The following EIF3H variants were observed in gnomAD, a reference collection of about 807,000 sequenced individuals.
EIF3H encodes the protein eIF-3-gamma.
A neutral mutation model predicts 44.2 loss-of-function variants in EIF3H; 26 were observed. That is an observed-to-expected ratio of 0.59 (90% CI 0.43 to 0.82). The LOEUF (loss-of-function observed/expected upper bound fraction) is 0.82. Ranked by LOEUF, EIF3H falls within the 40% of genes least tolerant of loss-of-function variation. EIF3H has a pLI of 0.00. For synonymous variants in EIF3H, 166 were observed against 151.9 expected (o/e 1.09, Z -0.68); for missense variants, 359 against 432.8 (o/e 0.83, Z 1.51).
intron 5 of EIF3H, among the ~76,000 whole-genome samples, chr8:116,650,913 AGCC>A (rs1311275069): frequency 6.6e-6 from 1 of 152,154 alleles, no homozygotes; most frequent in Non-Finnish European, 1.5e-5. Flanking sequence ...TACAGCCATG[AGCC>A]ACTGTTCCTG....
At chr8:116,699,448 A>G (rs1468989441) in intron 2 of EIF3H, among the ~76,000 whole-genome samples, 1 of 152,202 alleles carries the variant, frequency 6.6e-6, no homozygotes, top group African/African-American at 2.4e-5. Flanking sequence ...TAACCTAGGG[A>G]CAGAAAAACA....
chr8:116,649,439 G>A (rs184711798), intron 5 of EIF3H, among the ~76,000 whole-genome samples: 222 of 152,162 alleles, frequency 1.5e-3, no homozygotes, highest in Non-Finnish European at 2.4e-3. Context: ...ACCTTTCCTA[G>A]AATCTGTAGT....
chr8:116,663,921 A>T (rs1813625156), intron 2 of EIF3H, among the ~76,000 whole-genome samples: 1 of 135,864 alleles, frequency 7.4e-6, no homozygotes, highest in Admixed American at 8.2e-5. Context: ...ACAGAGCGAG[A>T]CTCAGTCTCA....
At chr8:116,757,127 A>G (rs1437893677), upstream of EIF3H, among the ~76,000 whole-genome samples, 10 of 152,222 alleles carry the variant, frequency 6.6e-5, no homozygotes, top group Admixed American at 6.5e-4. Flanking sequence ...AGTTTAAAAT[A>G]TTTTGCAATT....
At chr8:116,713,982 G>A (rs1006746220) in intron 2 of EIF3H, among the ~76,000 whole-genome samples, 3 of 151,874 alleles carry the variant, frequency 2.0e-5, no homozygotes, top group African/African-American at 4.8e-5. Flanking sequence ...TATGGGCCCC[G>A]AGGTTCTATA....
intron 1 of EIF3H, among the ~76,000 whole-genome samples, chr8:116,740,330 T>C (rs1208579175): frequency 6.6e-6 from 1 of 152,170 alleles, no homozygotes; most frequent in African/African-American, 2.4e-5. Flanking sequence ...GTAAGCCCAG[T>C]GGCATAAGAC....
chr8:116,705,491 A>ACCC (rs1227970298), intron 2 of EIF3H, among the ~76,000 whole-genome samples: 6 of 126,540 alleles, frequency 4.7e-5, no homozygotes, highest in Admixed American at 1.6e-4. Context: ...AACATGTTAC[A>ACCC]CCCCCCCCCA....
At chr8:116,672,303 T>C (rs1302566080) in intron 2 of EIF3H, among the ~76,000 whole-genome samples, 1 of 152,128 alleles carries the variant, frequency 6.6e-6, no homozygotes, top group Non-Finnish European at 1.5e-5. Context: ...GAAATCCTAA[T>C]AACCTGAAAT....
chr8:116,729,880 AAAG>A (rs1381398293), intron 1 of EIF3H, among the ~76,000 whole-genome samples: 7 of 152,210 alleles, frequency 4.6e-5, no homozygotes, highest in Admixed American at 1.3e-4. Flanking sequence ...CAGTTTCTGG[AAAG>A]AAGATTTCAA....
chr8:116,720,869 A>G (rs1451174161), intron 2 of EIF3H, among the ~76,000 whole-genome samples: 1 of 152,188 alleles, frequency 6.6e-6, no homozygotes, highest in East Asian at 1.9e-4. Flanking sequence ...TAAGCAGCAC[A>G]GCATTCAAGA....
At chr8:116,745,821 A>C (rs1175565631) in intron 1 of EIF3H, among the ~76,000 whole-genome samples, 1 of 151,890 alleles carries the variant, frequency 6.6e-6, no homozygotes, top group East Asian at 1.9e-4. Flanking sequence ...CGGGAGGCTG[A>C]GGGGCACGAG....
chr8:116,752,779 GGGAGGGAGGGAGGGAGGGAA>G lies in EIF3H; in HGVS notation c.132+2867_132+2886del, dbSNP rs1426053653. ...AGGGAGGGAGGGAGGGAGGGAGGGA[GGGAGGGAGGGAGGGAGGGAA>G]GGAAGGAAGGAAGGAAGGAAGGAAG... On this transcript the variant is annotated intron_variant, in intron 1 of 7. Coordinates refer to ENST00000521861, the MANE Select transcript of EIF3H (RefSeq NM_003756.3). Among the ~76,000 whole-genome samples, 121 of 53,554 alleles carry G rather than the reference GGGAGGGAGGGAGGGAGGGAA, an allele frequency of 2.3e-3. 6 individuals carry two copies. Among genetic ancestry groups the G allele is most frequent in the East Asian group, 5.5e-3 (11 of 1,994 alleles). 35.1% of individuals were successfully genotyped at this position (53,554 alleles called of 152,430 possible).
chr8:116,750,301 T>TG (rs1169887591), intron 1 of EIF3H, among the ~76,000 whole-genome samples: 2 of 152,234 alleles, frequency 1.3e-5, no homozygotes, highest in Admixed American at 6.5e-5. Context: ...TATGTGATGA[T>TG]GAAAGAGAAC....
upstream of EIF3H, among the ~76,000 whole-genome samples, chr8:116,758,737 T>G (rs1815485514): frequency 4.6e-5 from 7 of 152,272 alleles, no homozygotes; most frequent in South Asian, 1.4e-3. Context: ...ATTTGGAAAC[T>G]AAACAACATA....
At chr8:116,759,937 C>T (rs953015272), upstream of EIF3H, among the ~76,000 whole-genome samples, 3 of 152,168 alleles carry the variant, frequency 2.0e-5, no homozygotes, top group African/African-American at 7.2e-5. Context: ...CACAATGTTG[C>T]TCAGGCTGGC....
At chr8:116,652,687 C>T (rs1813415979) in intron 5 of EIF3H, among the ~76,000 whole-genome samples, 1 of 151,470 alleles carries the variant, frequency 6.6e-6, no homozygotes, top group Non-Finnish European at 1.5e-5. Flanking sequence ...GATGGATGTT[C>T]ACTGTATTTT....
chr8:116,703,348 CGGG>C (rs1237191122), intron 2 of EIF3H, among the ~76,000 whole-genome samples: 10 of 106,340 alleles, frequency 9.4e-5, no homozygotes, highest in African/African-American at 5.4e-4. Context: ...CTTAGCAGAC[CGGG>C]AAAGGGAGTC....
chr8:116,737,700 A>C (rs1815064982), intron 1 of EIF3H: 1 of 153,788 alleles, frequency 6.5e-6, no homozygotes, highest in African/African-American at 2.4e-5. Flanking sequence ...AATTAATAGT[A>C]ATAAAAACTT....
rs115314366 is a variant in EIF3H, at chr8:116,725,071, T to C, written c.289+945A>G. Among the ~76,000 whole-genome samples the C allele has an allele frequency of 6.2e-3, 937 of 152,320 alleles. 12 individuals carry two copies. Among genetic ancestry groups the C allele is most frequent in the African/African-American group, 0.021 (886 of 41,574 alleles). On this transcript the variant is annotated intron_variant, in intron 2 of 7. Transcript: ENST00000521861. ...ATGGCTGGATAAGGAAAATGTGGTA[T>C]ATACAGATGATGAATTATTATTCAG...
Sources: gnomAD v4.1 joint callset for allele counts (sites outside exome capture counted in the v4.1 genomes callset) on GRCh38, gnomAD v4.1.1 for gene constraint, MANE v1.5 for transcripts, NCBI Gene and HGNC (gene_info 2026-07-23, HGNC 2026-07-21) for gene names.